The following ADGRL3 variants were observed in gnomAD, a reference collection of about 807,000 sequenced individuals.
The protein encoded by ADGRL3 is adhesion G protein-coupled receptor L3, also known as calcium-independent alpha-latrotoxin receptor 3.
In ADGRL3, 62 loss-of-function variants were observed where a neutral mutation model predicts 153.5. The observed-to-expected ratio is 0.40, with a 90% confidence interval of 0.33 to 0.50. The LOEUF (loss-of-function observed/expected upper bound fraction) is 0.50. Among genes scored for constraint, ADGRL3 ranks in the 20% least tolerant of loss-of-function variants. The pLI is 0.47. For missense variants in ADGRL3, 1,641 were observed against 1,859.4 expected, an observed-to-expected ratio of 0.88 and a Z score of 2.16; for synonymous variants, 710 against 672.5, an observed-to-expected ratio of 1.06 and a Z score of -0.86.
chr4:61,311,148 A>G (rs1344775407), intron 1 of ADGRL3, among the ~76,000 whole-genome samples: 1 of 152,164 alleles, frequency 6.6e-6, no homozygotes, highest in Admixed American at 6.6e-5. Flanking sequence ...ATTATTCAAG[A>G]TAGTATAGAC....
At chr4:61,209,974 C>T (rs1326812902) in intron 1 of ADGRL3, among the ~76,000 whole-genome samples, 2 of 152,000 alleles carry the variant, frequency 1.3e-5, no homozygotes, top group African/African-American at 2.4e-5. Flanking sequence ...ATAAGAATGC[C>T]ATAAATGAGA....
chr4:61,507,468 G>C (rs111276154), intron 3 of ADGRL3, among the ~76,000 whole-genome samples: 1 of 152,072 alleles, frequency 6.6e-6, no homozygotes, highest in Non-Finnish European at 1.5e-5. Context: ...TAACATAATC[G>C]ATCATTTTGA....
intron 8 of ADGRL3, among the ~76,000 whole-genome samples, chr4:61,749,172 A>G (rs945137154): frequency 7.9e-5 from 12 of 152,066 alleles, no homozygotes; most frequent in Non-Finnish European, 1.8e-4. Flanking sequence ...ACCATCTCAC[A>G]CCAGTTAGAA....
intron 4 of ADGRL3, among the ~76,000 whole-genome samples, chr4:61,574,070 T>C (rs1169548497): frequency 6.6e-6 from 1 of 151,968 alleles, no homozygotes. Flanking sequence ...AAGGCCTTTG[T>C]CACTCAACCT....
In ADGRL3 at chr4:61,257,859, G is replaced by GTT. The variant is rs1188636923; in HGVS notation, c.-240+56095_-240+56096insTT. On this transcript the variant is annotated intron_variant, in intron 1 of 26. Coordinates refer to ENST00000683033, the MANE Select transcript of ADGRL3 (RefSeq NM_001387552.1). ...GAGGTGTGTGTGTGTGTGTGTGTGT[G>GTT]TGTCTGTGCGTGTGCGCACGCGCAC... is the stretch of plus-strand genomic sequence containing the variant. Among the ~76,000 whole-genome samples the GTT allele has an allele frequency of 3.3e-5, 5 of 151,078 alleles. No homozygotes were observed. In the East Asian group the frequency reaches 9.7e-4, roughly 29 times the overall value.
intron 1 of ADGRL3, among the ~76,000 whole-genome samples, chr4:61,244,337 A>G (rs1028646922): frequency 5.3e-5 from 8 of 152,048 alleles, no homozygotes; most frequent in Non-Finnish European, 7.4e-5. Flanking sequence ...TAGAATATGA[A>G]TATTTATCAA....
intron 2 of ADGRL3, among the ~76,000 whole-genome samples, chr4:61,398,642 G>C (rs1840775): frequency 0.3 from 46,003 of 150,988 alleles, 7,122 homozygotes; most frequent in Middle Eastern, 0.38. Context: ...GGCTTCTTCT[G>C]TTTTTTTATC....
rs578181532 is a variant in ADGRL3 at position 62,063,548 on chromosome 4, G to T, written c.3815-4618G>T. 7 of 697,564 alleles carry T rather than the reference G, an allele frequency of 1.0e-5. No homozygotes were observed. The South Asian group carries it at 1.0e-4, about 10-fold the overall frequency. 43.2% of individuals were successfully genotyped at this position (697,564 alleles called of 1,614,324 possible). On this transcript the variant is annotated intron_variant, in intron 25 of 26. Transcript: ENST00000683033. Reference sequence around the variant, plus strand: ...TTATAAGCAATGCTCTGCTTCGTCCGCATGGTACTAACAATCCCTATAATA... The same window carrying T: ...TTATAAGCAATGCTCTGCTTCGTCCTCATGGTACTAACAATCCCTATAATA...
chr4:61,512,139 TG>T (rs11286427), intron 3 of ADGRL3, among the ~76,000 whole-genome samples: 115,108 of 152,028 alleles, frequency 0.76, 43,924 homozygotes, highest in East Asian at 0.93. Context: ...TTATATATGT[TG>T]GCAGTGAAGT....
intron 17 of ADGRL3, among the ~76,000 whole-genome samples, chr4:61,965,744 C>G (rs1028797932): frequency 1.3e-5 from 2 of 151,888 alleles, no homozygotes; most frequent in African/African-American, 2.4e-5. Context: ...GAGCAAGACT[C>G]CGACTCACAA....
chr4:61,362,513 C>T (rs1206397591), intron 1 of ADGRL3, among the ~76,000 whole-genome samples: 2 of 151,912 alleles, frequency 1.3e-5, no homozygotes, highest in African/African-American at 4.8e-5. Context: ...GAAGTCTTAC[C>T]ATTAAGTTAA....
intron 2 of ADGRL3, among the ~76,000 whole-genome samples, chr4:61,460,926 CAGG>C (rs2097804767): frequency 1.3e-5 from 2 of 152,014 alleles, no homozygotes; most frequent in Admixed American, 6.6e-5. Flanking sequence ...AAAAATTAGC[CAGG>C]CGCGGTGGCA....
chr4:61,575,460 A>G (rs2098868946), intron 4 of ADGRL3, among the ~76,000 whole-genome samples: 1 of 151,906 alleles, frequency 6.6e-6, no homozygotes, highest in Non-Finnish European at 1.5e-5. Flanking sequence ...GTCTCATGGT[A>G]TCATATTTTG....
At chr4:61,665,132 C>T (rs947468056) in intron 5 of ADGRL3, among the ~76,000 whole-genome samples, 2 of 151,430 alleles carry the variant, frequency 1.3e-5, no homozygotes, top group East Asian at 1.9e-4. Context: ...GCAGAACTGC[C>T]GGGCGCGGTG....
In ADGRL3 at chr4:61,698,445, A is replaced by G. The variant is rs374033771; in HGVS notation, c.583+21510A>G. ...CCAGTCTGGGTGACAGTGAGACTCC[A>G]TCTCAAACAAACAACAACAACAACA... On this transcript the variant is annotated intron_variant, in intron 6 of 26. Transcript: ENST00000683033. 8.9e-4 allele frequency among the ~76,000 whole-genome samples: 135 copies of G among 152,104 alleles called. 2 individuals carry two copies. Among genetic ancestry groups the G allele is most frequent in the African/African-American group, 3.2e-3 (132 of 41,450 alleles).
intron 6 of ADGRL3, 193 bp downstream of exon 6, chr4:61,677,128 C>A: frequency 2.0e-6 from 1 of 508,268 alleles, no homozygotes. Context: ...TCTCCTACGG[C>A]ATTTACTTGT....
intron 11 of ADGRL3, among the ~76,000 whole-genome samples, chr4:61,897,687 T>C (rs1483699947): frequency 6.6e-6 from 1 of 152,200 alleles, no homozygotes; most frequent in Non-Finnish European, 1.5e-5. Context: ...TCTGTTGTAG[T>C]GTTCACAGGA....
intron 6 of ADGRL3, among the ~76,000 whole-genome samples, chr4:61,710,119 A>C (rs1258294607): frequency 6.6e-6 from 1 of 152,218 alleles, no homozygotes; most frequent in East Asian, 1.9e-4. Flanking sequence ...TTATCCAGAT[A>C]GTTAAACCAC....
In ADGRL3 at chr4:61,777,936, G is replaced by A. The variant is rs548132757; in HGVS notation, c.1400-35873G>A. ...CAAAGTGGGTTGGTCTTTCACTCCA[G>A]AGACTTAAGAAAGAGTTCTAGTGTC... On this transcript the variant is annotated intron_variant, in intron 8 of 26. Transcript: ENST00000683033. 2.0e-5 allele frequency among the ~76,000 whole-genome samples: 3 copies of A among 152,216 alleles called. No individual in the cohort carries two copies. In the South Asian group the frequency reaches 6.2e-4, roughly 32 times the overall value.
Sources: allele counts gnomAD v4.1 joint callset (sites outside exome capture counted in the v4.1 genomes callset), GRCh38; gene constraint gnomAD v4.1.1; transcripts MANE v1.5; gene names NCBI Gene and HGNC (gene_info 2026-07-23, HGNC 2026-07-21).